Variants in SENP7 observed in about 807,000 individuals in gnomAD.
SENP7 encodes SUMO specific peptidase 7, also known as sentrin-specific protease 7.
In SENP7, 64 loss-of-function variants were observed where a neutral mutation model predicts 141.2. The ratio of observed to expected loss-of-function variants is 0.45; its 90% confidence interval spans 0.37 to 0.56. The LOEUF is 0.56. Among genes scored for constraint, SENP7 ranks in the 20% least tolerant of loss-of-function variants. The pLI, the probability that SENP7 is intolerant of heterozygous loss-of-function variation, is 0.00. For synonymous variants in SENP7, 382 were observed against 426.4 expected, an observed-to-expected ratio of 0.90 and a Z score of 1.28; for missense variants, 1,025 against 1,212.2, an observed-to-expected ratio of 0.85 and a Z score of 2.29.
intron 6 of SENP7, among the ~76,000 whole-genome samples, chr3:101,390,242 A>AAAAAC (rs1336818995): frequency 1.4e-5 from 2 of 138,118 alleles, no homozygotes; most frequent in African/African-American, 5.2e-5. Context: ...AAAAAAAAAA[A>AAAAAC]ACCCAGAAAG....
chr3:101,467,538 C>T (rs1019412267), intron 3 of SENP7, among the ~76,000 whole-genome samples: 1 of 152,218 alleles, frequency 6.6e-6, no homozygotes, highest in African/African-American at 2.4e-5. Context: ...TGTTCTGCAG[C>T]CTCCATTGGT....
chr3:101,366,784 A>T lies in SENP7; in HGVS notation c.979-15T>A. ...TCTTGTTTTTTCTAAACATAAACAC[A>T]TAGAAAAAAATAGCATTTTTCAAAT... On this transcript the variant is annotated splice_polypyrimidine_tract_variant and intron_variant, in intron 8 of 23. Coordinates refer to ENST00000394095, the MANE Select transcript of SENP7 (RefSeq NM_020654.5). 6.7e-7 allele frequency: 1 copy of T among 1,497,330 alleles called. No individual in the cohort carries two copies. Among genetic ancestry groups the T allele is most frequent in the Non-Finnish European group, 9.0e-7 (1 of 1,113,128 alleles). The allele number at this position is 1,497,330 out of a possible 1,614,324, so 92.8% of individuals were successfully genotyped here. A position where few individuals can be genotyped will look rare whatever the true frequency, so the allele number is the denominator to read the frequency against.
chr3:101,423,443 T>C (rs1344226637), intron 4 of SENP7, among the ~76,000 whole-genome samples: 1 of 152,122 alleles, frequency 6.6e-6, no homozygotes, highest in African/African-American at 2.4e-5. Flanking sequence ...CCCTTCTACA[T>C]GGCTAGTGGT....
In SENP7 at chr3:101,458,956, T is replaced by C. The variant is rs1460974871; in HGVS notation, c.283A>G (p.Arg95Gly). The C allele has an allele frequency of 6.3e-7, 1 of 1,586,566 alleles. No homozygotes were observed. The highest frequency in any genetic ancestry group is 8.6e-7 in the Non-Finnish European group (1 of 1,156,832). Residue 95 changes from arginine to glycine, a missense_variant and splice_region_variant, in exon 4 of 24, where the codon AGG becomes GGG. Physicochemically the swap from Arg to Gly is moderately radical, Grantham distance 125 (BLOSUM62 -2). Coordinates refer to ENST00000394095, the MANE Select transcript of SENP7 (RefSeq NM_020654.5). Reference sequence around the variant, plus strand: ...ATGTCGCACACACACATATCTTACCTTTCTGGTGATGACTTGGAAGTAACA... The same window carrying C: ...ATGTCGCACACACACATATCTTACCCTTCTGGTGATGACTTGGAAGTAACA... ...CPVTSKSSPE[R>G]QLKVMLTNVL...
At chr3:101,446,103 G>A (rs943307358) in intron 4 of SENP7, among the ~76,000 whole-genome samples, 3 of 152,046 alleles carry the variant, frequency 2.0e-5, no homozygotes, top group Admixed American at 6.6e-5. Flanking sequence ...GAGTTCTAAC[G>A]AAATCTGGTT....
chr3:101,457,667 A>T (rs1487556950), intron 4 of SENP7: 1 of 1,417,358 alleles, frequency 7.1e-7, no homozygotes, highest in African/African-American at 1.4e-5. Context: ...TTCCTTTCCC[A>T]CCAATGCACA....
intron 8 of SENP7, among the ~76,000 whole-genome samples, chr3:101,367,579 G>A (rs907713265): frequency 1.3e-5 from 2 of 152,018 alleles, no homozygotes; most frequent in African/African-American, 2.4e-5. Context: ...AGGAAAGAGC[G>A]ATACAAGAAA....
At chr3:101,432,021 G>C (rs1192839212) in intron 4 of SENP7, among the ~76,000 whole-genome samples, 1 of 152,110 alleles carries the variant, frequency 6.6e-6, no homozygotes, top group Admixed American at 6.6e-5. Context: ...ACCCTATGAT[G>C]GCACTTTTGG....
intron 13 of SENP7, among the ~76,000 whole-genome samples, chr3:101,345,121 T>C (rs914580434): frequency 1.3e-5 from 2 of 152,088 alleles, no homozygotes; most frequent in Non-Finnish European, 2.9e-5. Flanking sequence ...ACTATGGCCT[T>C]ATAGTTTGAA....
At chr3:101,420,741 A>C (rs1252578129) in intron 4 of SENP7, among the ~76,000 whole-genome samples, 1 of 152,178 alleles carries the variant, frequency 6.6e-6, no homozygotes, top group Middle Eastern at 3.2e-3. Flanking sequence ...TTCCTGCCAA[A>C]AATGTAACCT....
intron 4 of SENP7, among the ~76,000 whole-genome samples, chr3:101,432,670 G>A (rs1024686106): frequency 4.6e-5 from 7 of 152,222 alleles, no homozygotes; most frequent in African/African-American, 1.4e-4. Context: ...CCCAGTTCTT[G>A]TACAAGACTA....
intron 3 of SENP7, among the ~76,000 whole-genome samples, chr3:101,470,624 C>A (rs2063949495): frequency 6.6e-6 from 1 of 152,138 alleles, no homozygotes; most frequent in Admixed American, 6.5e-5. Flanking sequence ...CACTCCTATT[C>A]AACATAGTAT....
intron 4 of SENP7, among the ~76,000 whole-genome samples, chr3:101,438,463 A>G (rs1340772387): frequency 6.6e-6 from 1 of 152,182 alleles, no homozygotes; most frequent in African/African-American, 2.4e-5. Flanking sequence ...TTTCAGTTTT[A>G]CAAGATGGAA....
intron 3 of SENP7, among the ~76,000 whole-genome samples, chr3:101,468,563 T>A (rs2178038): frequency 1.3e-5 from 2 of 151,850 alleles, no homozygotes; most frequent in Non-Finnish European, 2.9e-5. Context: ...TCAACATTCT[T>A]AAAGAAAAGA....
chr3:101,370,609 GT>G (rs1207383533), intron 7 of SENP7, among the ~76,000 whole-genome samples: 6 of 152,000 alleles, frequency 3.9e-5, no homozygotes, highest in Non-Finnish European at 8.8e-5. Flanking sequence ...TTTTATTGAA[GT>G]TTTTTTCAAA....
intron 6 of SENP7, among the ~76,000 whole-genome samples, chr3:101,376,352 T>A (rs1235962690): frequency 6.6e-6 from 1 of 152,114 alleles, no homozygotes; most frequent in Non-Finnish European, 1.5e-5. Context: ...AAAATGGCAA[T>A]TTTTAGGTTA....
chr3:101,386,766 C>T (rs574287243), intron 6 of SENP7, among the ~76,000 whole-genome samples: 24 of 152,348 alleles, frequency 1.6e-4, no homozygotes, highest in African/African-American at 5.8e-4. Flanking sequence ...AGGTGCCTGC[C>T]TAGGCACTAA....
intron 4 of SENP7, among the ~76,000 whole-genome samples, chr3:101,449,320 T>TC (rs2107817046): frequency 6.6e-6 from 1 of 152,168 alleles, no homozygotes; most frequent in East Asian, 1.9e-4. Context: ...CAGGAGAACT[T>TC]CCCCAATCTA....
chr3:101,377,362 C>T (rs2060365714), intron 6 of SENP7, among the ~76,000 whole-genome samples: 1 of 151,976 alleles, frequency 6.6e-6, no homozygotes, highest in South Asian at 2.1e-4. Flanking sequence ...AAAGCAAAAA[C>T]CCACAAGCAG....
Sources: allele counts gnomAD v4.1 joint callset (sites outside exome capture counted in the v4.1 genomes callset), GRCh38; gene constraint gnomAD v4.1.1; transcripts MANE v1.5; gene names NCBI Gene and HGNC (gene_info 2026-07-23, HGNC 2026-07-21).